RBMS3: variants seen among roughly 807,000 people sequenced by gnomAD.
RBMS3 encodes the protein RNA-binding motif, single-stranded-interacting protein 3.
RBMS3 carries 27 observed loss-of-function variants against 66.8 expected under a neutral mutation model. The ratio of observed to expected loss-of-function variants is 0.40; its 90% CI spans 0.30 to 0.56. RBMS3 has a LOEUF of 0.56. Among genes scored for constraint, RBMS3 ranks in the 20% least tolerant of loss-of-function variants. RBMS3 has a pLI of 0.40. For synonymous variants in RBMS3, 188 were observed against 183.0 expected, an observed-to-expected ratio of 1.03 and a Z score of -0.22; for missense variants, 513 against 549.5, an observed-to-expected ratio of 0.93 and a Z score of 0.66.
At chr3:29,919,998 T>A (rs2060728989) in intron 10 of RBMS3, among the ~76,000 whole-genome samples, 1 of 152,222 alleles carries the variant, frequency 6.6e-6, no homozygotes, top group Non-Finnish European at 1.5e-5. Context: ...AAAAGCCAGT[T>A]GTTCCCTTAT....
intron 4 of RBMS3, among the ~76,000 whole-genome samples, chr3:29,615,774 A>G (rs771358782): frequency 9.2e-5 from 14 of 152,222 alleles, no homozygotes; most frequent in Admixed American, 2.6e-4. Context: ...GATATTCAGC[A>G]GAAGATGGCA....
intron 1 of RBMS3, among the ~76,000 whole-genome samples, chr3:29,372,231 G>C (rs1204243471): frequency 6.6e-6 from 1 of 152,172 alleles, no homozygotes; most frequent in South Asian, 2.1e-4. Flanking sequence ...TCAGGAGGCT[G>C]AGGCAGGAGA....
intron 6 of RBMS3, among the ~76,000 whole-genome samples, chr3:29,851,949 C>T (rs1176867979): frequency 6.6e-6 from 1 of 152,144 alleles, no homozygotes; most frequent in East Asian, 1.9e-4. Flanking sequence ...GCTACAGTAA[C>T]CAAAACAGCA....
chr3:29,379,150 G>A (rs935452186), intron 1 of RBMS3, among the ~76,000 whole-genome samples: 25 of 152,144 alleles, frequency 1.6e-4, no homozygotes, highest in Admixed American at 1.6e-3. Context: ...CAGGGACATA[G>A]GCCCTCACAT....
At chr3:29,377,091 G>GA (rs149832447) in intron 1 of RBMS3, among the ~76,000 whole-genome samples, 10,132 of 138,722 alleles carry the variant, frequency 0.073, 456 homozygotes, top group East Asian at 0.26. Context: ...CTCTGTCTCA[G>GA]AAAAAAAAAA....
At chr3:29,799,259 C>T (rs1284076535) in intron 6 of RBMS3, among the ~76,000 whole-genome samples, 1 of 152,208 alleles carries the variant, frequency 6.6e-6, no homozygotes, top group Non-Finnish European at 1.5e-5. Context: ...ACCAAATCAT[C>T]AAAGTTTCCA....
intron 1 of RBMS3, among the ~76,000 whole-genome samples, chr3:29,364,133 C>T (rs1195661360): frequency 6.6e-6 from 1 of 151,536 alleles, no homozygotes; most frequent in African/African-American, 2.4e-5. Flanking sequence ...GGGGGAGGGG[C>T]GATTAAATAT....
At chr3:29,637,122 T>C (rs948971251) in intron 4 of RBMS3, among the ~76,000 whole-genome samples, 1 of 151,844 alleles carries the variant, frequency 6.6e-6, no homozygotes, top group Admixed American at 6.6e-5. Context: ...AAGCAACACT[T>C]TCCATTTTTT....
intron 12 of RBMS3, among the ~76,000 whole-genome samples, chr3:29,963,556 G>A (rs1236970024): frequency 2.0e-5 from 3 of 152,046 alleles, no homozygotes; most frequent in Admixed American, 6.6e-5. Flanking sequence ...GGCTAAGCTC[G>A]GTGTCTCATG....
At chr3:29,603,788 C>A (rs955167845) in intron 4 of RBMS3, among the ~76,000 whole-genome samples, 13 of 151,978 alleles carry the variant, frequency 8.6e-5, no homozygotes, top group African/African-American at 3.1e-4. Context: ...TGGTAAAGAG[C>A]TACCTAGAGG....
intron 5 of RBMS3, among the ~76,000 whole-genome samples, chr3:29,740,607 A>G (rs2149350539): frequency 6.6e-6 from 1 of 152,316 alleles, no homozygotes; most frequent in East Asian, 1.9e-4. Flanking sequence ...CACAGAGTAA[A>G]AGAAACTGCT....
chr3:29,644,731 A>T (rs1229256230), intron 4 of RBMS3, among the ~76,000 whole-genome samples: 1 of 152,154 alleles, frequency 6.6e-6, no homozygotes, highest in Non-Finnish European at 1.5e-5. Flanking sequence ...CTCTGATTGT[A>T]TTGATTGCAC....
At chr3:29,924,144 A>G (rs1245578600) in intron 10 of RBMS3, among the ~76,000 whole-genome samples, 1 of 152,142 alleles carries the variant, frequency 6.6e-6, no homozygotes, top group Non-Finnish European at 1.5e-5. Context: ...GCTGTCCCCC[A>G]AACCATTCCA....
In RBMS3 at chr3:29,899,614, C is replaced by A; in HGVS notation, c.889-91C>A. 2.6e-6 allele frequency: 3 copies of A among 1,134,322 alleles called. No homozygotes were observed. The South Asian group carries it at 4.5e-5, about 17-fold the overall frequency. 70.3% of individuals were successfully genotyped at this position (1,134,322 alleles called of 1,614,324 possible). On this transcript the variant is annotated intron_variant, in intron 9 of 14. Transcript: ENST00000383767. ...TAACTGTAAAGTCAGGTGGACTCCACTTTCTTATGACCTAGTGTGACTCCA... is the reference window on the plus strand; with the variant it reads ...TAACTGTAAAGTCAGGTGGACTCCAATTTCTTATGACCTAGTGTGACTCCA...
At chr3:29,859,509 T>C (rs899705314) in intron 6 of RBMS3, among the ~76,000 whole-genome samples, 5 of 152,232 alleles carry the variant, frequency 3.3e-5, no homozygotes, top group Non-Finnish European at 1.5e-5. Flanking sequence ...AAGCAATTCG[T>C]TAAACTTTTA....
chr3:29,830,418 T>C lies in RBMS3; in HGVS notation c.638-38440T>C, dbSNP rs530679263. Among the ~76,000 whole-genome samples, 5 of 152,238 alleles carry C rather than the reference T, an allele frequency of 3.3e-5. No homozygotes were observed. In the South Asian group the frequency reaches 8.3e-4, roughly 25 times the overall value. ...TTCGTTTGTTCACAAATAAACTCAA[T>C]AGATTAAAACTTATGGTAGTGAAGT... On this transcript the variant is annotated intron_variant, in intron 6 of 14. Transcript: ENST00000383767.
rs2060054831 is a variant in RBMS3 at position 29,893,612 on chromosome 3, C to T, written c.792-3767C>T. 2.0e-5 allele frequency among the ~76,000 whole-genome samples: 3 copies of T among 151,568 alleles called. No individual in the cohort carries two copies. The South Asian group carries it at 6.2e-4, about 31-fold the overall frequency. ...ATGAGCCCCAAATACTGTTCACTGCCTTACAAATAAGATCTGTCAAATATA... is the reference window on the plus strand; with the variant it reads ...ATGAGCCCCAAATACTGTTCACTGCTTTACAAATAAGATCTGTCAAATATA... On this transcript the variant is annotated intron_variant, in intron 8 of 14. Transcript: ENST00000383767.
intron 1 of RBMS3, among the ~76,000 whole-genome samples, chr3:29,366,089 C>T (rs1262345977): frequency 6.6e-6 from 1 of 152,158 alleles, no homozygotes; most frequent in Non-Finnish European, 1.5e-5. Context: ...AAATATTCCA[C>T]ACTGTTGTAT....
intron 10 of RBMS3, among the ~76,000 whole-genome samples, chr3:29,910,818 G>T (rs1234273674): frequency 6.6e-6 from 1 of 151,890 alleles, no homozygotes; most frequent in African/African-American, 2.4e-5. Flanking sequence ...GGCGTGTACG[G>T]ATTAATCAGG....
Sources: gnomAD v4.1 joint callset for allele counts (sites outside exome capture counted in the v4.1 genomes callset) on GRCh38, gnomAD v4.1.1 for gene constraint, MANE v1.5 for transcripts, NCBI Gene and HGNC (gene_info 2026-07-23, HGNC 2026-07-21) for gene names.